The following P2RY8 variants were observed in gnomAD, a reference collection of about 807,000 sequenced individuals.
P2RY8 encodes the protein S-geranylgeranyl-glutathione receptor P2RY8.
P2RY8 carries 6 observed loss-of-function variants against 10.0 expected under a neutral mutation model. That is an observed-to-expected ratio of 0.60 (90% CI 0.33 to 1.19). The LOEUF is 1.19. Ranked by LOEUF, P2RY8 falls within the 50% of genes most tolerant of loss-of-function variation. The pLI is 0.04. For synonymous variants in P2RY8, 276 were observed against 252.5 expected, an observed-to-expected ratio of 1.09 and a Z score of -0.88; for missense variants, 456 against 542.0, an observed-to-expected ratio of 0.84 and a Z score of 1.58.
Position 1,465,001 on chromosome X carries a change from A to C in P2RY8, c.*478T>G. ...CTAAGGGACGATGTCAGCAGGGAGAAGAGCTGGGAATGGGGCTCGCAGTTC... is the reference window on the plus strand; with the variant it reads ...CTAAGGGACGATGTCAGCAGGGAGACGAGCTGGGAATGGGGCTCGCAGTTC... On this transcript the variant is annotated 3_prime_UTR_variant, in exon 2 of 2. Coordinates refer to ENST00000381297, the MANE Select transcript of P2RY8 (RefSeq NM_178129.5). 1 of 247,986 alleles carries C rather than the reference A, an allele frequency of 4.0e-6. No individual in the cohort carries two copies. Among genetic ancestry groups the C allele is most frequent in the African/African-American group, 2.2e-5 (1 of 45,766 alleles). 15.4% of individuals were successfully genotyped at this position (247,986 alleles called of 1,614,324 possible). A position where few individuals can be genotyped will look rare whatever the true frequency, so the allele number is the denominator to read the frequency against.
Position 1,465,206 on chromosome X carries a change from G to C in P2RY8, c.*273C>G, listed in dbSNP as rs2091646855. ...GACACAAGCTGTCCCCTGACACAGA[G>C]AGGCAGAGGCACCCTCTGCAGGATA... On this transcript the variant is annotated 3_prime_UTR_variant, in exon 2 of 2. Transcript: ENST00000381297. 1.9e-6 allele frequency: 1 copy of C among 519,502 alleles called. No homozygotes were observed. Among genetic ancestry groups the C allele is most frequent in the Admixed American group, 3.7e-5 (1 of 27,104 alleles). The allele number at this position is 519,502 out of a possible 1,614,324, so 32.2% of individuals were successfully genotyped here. A position where few individuals can be genotyped will look rare whatever the true frequency, so the allele number is the denominator to read the frequency against.
rs1556679302 is a variant in P2RY8, at chrX:1,493,440, G to GGAGGGA, written c.-24-26859_-24-26858insTCCCTC. On this transcript the variant is annotated intron_variant, in intron 1 of 1. Transcript: ENST00000381297. The stretch of plus-strand genomic sequence containing the variant: ...AAGGAGGAAGGAGGAGGGAGGGAAG[G>GGAGGGA]AGGAGGAAGGAGGAAGGAGGGAGGA... Among the ~76,000 whole-genome samples the GGAGGGA allele has an allele frequency of 1.4e-3, 20 of 13,882 alleles. 2 individuals are homozygous for GGAGGGA. The East Asian group carries it at 0.3, about 208-fold the overall frequency. The allele number at this position is 13,882 out of a possible 152,430, so 9.1% of individuals were successfully genotyped here.
In P2RY8 at chrX:1,486,836, C is replaced by A. The variant is rs755474172; in HGVS notation, c.-24-20254G>T. Among the ~76,000 whole-genome samples the A allele has an allele frequency of 8.5e-5, 13 of 152,348 alleles. No individual in the cohort carries two copies. In the South Asian group the frequency reaches 2.7e-3, roughly 32 times the overall value. On this transcript the variant is annotated intron_variant, in intron 1 of 1. Transcript: ENST00000381297. ...CTACACCCTCCTGGCTGACTCCCTG[C>A]CCGCGCTGAGTCCTGAATGCTCCTG...
At chrX:1,470,013 T>C (rs774421281) in intron 1 of P2RY8, among the ~76,000 whole-genome samples, 1 of 152,278 alleles carries the variant, frequency 6.6e-6, no homozygotes, top group East Asian at 1.9e-4. Flanking sequence ...TATTCACAGA[T>C]GTGCAAACAA....
At chrX:1,468,145 C>G (rs2091718245) in intron 1 of P2RY8, among the ~76,000 whole-genome samples, 1 of 151,894 alleles carries the variant, frequency 6.6e-6, no homozygotes, top group African/African-American at 2.4e-5. Flanking sequence ...GCTATGTTGC[C>G]CAGGCTGGTC....
intron 1 of P2RY8, among the ~76,000 whole-genome samples, chrX:1,531,065 T>A (rs1354168478): frequency 2.2e-5 from 3 of 134,468 alleles, no homozygotes; most frequent in Non-Finnish European, 4.9e-5. Context: ...TGTCTGTCTG[T>A]CTGTCTATCT....
intron 1 of P2RY8, among the ~76,000 whole-genome samples, chrX:1,525,111 C>A (rs1350992026): frequency 6.6e-6 from 1 of 152,228 alleles, no homozygotes; most frequent in African/African-American, 2.4e-5. Flanking sequence ...GGGGACCCCC[C>A]AAAATCCCTA....
chrX:1,467,695 G>A (rs1391004896), intron 1 of P2RY8, among the ~76,000 whole-genome samples: 1 of 152,216 alleles, frequency 6.6e-6, no homozygotes, highest in Non-Finnish European at 1.5e-5. Flanking sequence ...TTGTTTTATA[G>A]ATATGGGGTC....
At chrX:1,503,762 G>T (rs1318833488) in intron 1 of P2RY8, among the ~76,000 whole-genome samples, 1 of 152,068 alleles carries the variant, frequency 6.6e-6, no homozygotes. Flanking sequence ...GGGCATGGTG[G>T]CAGGCACCTG....
rs1477249111 is a variant in P2RY8, at chrX:1,465,646, G to T, written c.913C>A (p.Arg305=). 6.2e-7 allele frequency: 1 copy of T among 1,613,470 alleles called. No homozygotes were observed. The highest frequency in any genetic ancestry group is 2.2e-5 in the East Asian group (1 of 44,878). The change falls in exon 2 of 2, where the codon CGG becomes AGG. Residue 305 remains arginine (R), a synonymous_variant. Transcript: ENST00000381297. ...ACCCGGCGGCAGCCCAAATATTCCC[G>T]CAGGCGCAGCTGGAATTCCCGGGAC... ...FASREFQLRL[R]EYLGCRRVPR...
rs769817405 is a variant in P2RY8, at chrX:1,462,988, A to C, written c.*2491T>G. ...AATCATCATACTGACAAAAAAAAAA[A>C]ATCGACGCATTTTGCCTGCTTGCAA... On this transcript the variant is annotated 3_prime_UTR_variant, in exon 2 of 2. Coordinates refer to ENST00000381297, the MANE Select transcript of P2RY8 (RefSeq NM_178129.5). 113 of 232,182 alleles carry C rather than the reference A, an allele frequency of 4.9e-4. No individual in the cohort carries two copies. The highest frequency in any genetic ancestry group is 3.8e-3 in the Middle Eastern group (3 of 784). The allele number at this position is 232,182 out of a possible 1,614,324, so 14.4% of individuals were successfully genotyped here. A position where few individuals can be genotyped will look rare whatever the true frequency, so the allele number is the denominator to read the frequency against.
intron 1 of P2RY8, among the ~76,000 whole-genome samples, chrX:1,525,348 C>T (rs1312898241): frequency 6.6e-6 from 1 of 152,112 alleles, no homozygotes; most frequent in Non-Finnish European, 1.5e-5. Context: ...TGGGTGGGGA[C>T]TTAATCCTAT....
chrX:1,482,398 G>T (rs1229615533), intron 1 of P2RY8, among the ~76,000 whole-genome samples: 1 of 151,876 alleles, frequency 6.6e-6, no homozygotes, highest in Non-Finnish European at 1.5e-5. Flanking sequence ...CACTTCTGCC[G>T]TTACTGAGCC....
At chrX:1,519,126 C>T (rs1250688218) in intron 1 of P2RY8, among the ~76,000 whole-genome samples, 21 of 151,634 alleles carry the variant, frequency 1.4e-4, no homozygotes, top group Admixed American at 2.6e-4. Flanking sequence ...CAATCATCTC[C>T]TTGGTCCCTA....
chrX:1,493,390 AGGGAG>A (rs1569537363), intron 1 of P2RY8, among the ~76,000 whole-genome samples: 26 of 26,292 alleles, frequency 9.9e-4, no homozygotes, highest in African/African-American at 2.5e-3. Flanking sequence ...GGAAGGAGGG[AGGGAG>A]GGAAGGAGGA....
At chrX:1,525,670 T>G (rs1377538520) in intron 1 of P2RY8, among the ~76,000 whole-genome samples, 1 of 152,150 alleles carries the variant, frequency 6.6e-6, no homozygotes, top group Non-Finnish European at 1.5e-5. Context: ...AATTCATTTA[T>G]CCATGTATGT....
At position 1,517,264 on chromosome X, in the gene P2RY8, C is replaced by T. The variant is rs185562748; in HGVS notation, c.-25+19657G>A. Among the ~76,000 whole-genome samples the T allele has an allele frequency of 5.9e-3, 899 of 152,056 alleles. 5 individuals are homozygous for T. Among genetic ancestry groups the T allele is most frequent in the Non-Finnish European group, 8.3e-3 (567 of 67,960 alleles). On this transcript the variant is annotated intron_variant, in intron 1 of 1. Transcript: ENST00000381297. ...GAGGGCACAGACACACAGAGAGGGA[C>T]GACCCCGTGAGGACACAGGGAGGAG...
intron 1 of P2RY8, among the ~76,000 whole-genome samples, chrX:1,472,167 A>AT (rs2091795627): frequency 6.6e-6 from 1 of 152,100 alleles, no homozygotes; most frequent in African/African-American, 2.4e-5. Context: ...TATTATGGCC[A>AT]TTTCTTACTT....
At chrX:1,508,853 T>TCATC (rs751802821) in intron 1 of P2RY8, among the ~76,000 whole-genome samples, 12 of 143,258 alleles carry the variant, frequency 8.4e-5, no homozygotes, top group South Asian at 4.5e-4. Context: ...ATCCATCCAT[T>TCATC]CATCCATCCA....
Sources: gnomAD v4.1 joint callset for allele counts (sites outside exome capture counted in the v4.1 genomes callset) on GRCh38, gnomAD v4.1.1 for gene constraint, MANE v1.5 for transcripts, NCBI Gene and HGNC (gene_info 2026-07-23, HGNC 2026-07-21) for gene names.